GATB: variants seen among roughly 807,000 people sequenced by gnomAD.
GATB encodes glutamyl-tRNA amidotransferase subunit B, also known as glutamyl-tRNA(Gln) amidotransferase subunit B, mitochondrial.
A neutral mutation model predicts 62.3 loss-of-function variants in GATB; 39 were observed. The observed-to-expected ratio is 0.63, with a 90% CI of 0.48 to 0.82. The LOEUF (loss-of-function observed/expected upper bound fraction) is 0.82, where lower values mean the gene tolerates loss of function less well. Among genes scored for constraint, GATB ranks in the 40% least tolerant of loss-of-function variants. The pLI is 0.00. For synonymous variants in GATB, 276 were observed against 258.9 expected (o/e 1.07, Z -0.63); for missense variants, 670 against 684.0 (o/e 0.98, Z 0.23).
chr4:151,689,066 G>A (rs1248228955), intron 9 of GATB, among the ~76,000 whole-genome samples: 1 of 152,264 alleles, frequency 6.6e-6, no homozygotes, highest in African/African-American at 2.4e-5. Flanking sequence ...TGCTTTCTCC[G>A]TGTCTGCTGT....
At position 151,717,034 on chromosome 4, in the gene GATB, A is replaced by C; in HGVS notation, c.482T>G (p.Val161Gly). ...QITQQRLPIA[V>G]NGSLIYGVCA... ...GACGCCATATATCAAGCTCCCATTCACAGCAATTGGGAGCCTCTGCTGGGT... is the reference window on the plus strand; with the variant it reads ...GACGCCATATATCAAGCTCCCATTCCCAGCAATTGGGAGCCTCTGCTGGGT... The change falls in exon 4 of 13, where the codon GTG becomes GGG. Residue 161 changes from valine to glycine, a missense_variant. Coordinates refer to ENST00000263985, the MANE Select transcript of GATB (RefSeq NM_004564.3). 1.2e-6 allele frequency: 2 copies of C among 1,614,090 alleles called. No homozygotes were observed. Among genetic ancestry groups the C allele is most frequent in the Non-Finnish European group, 1.7e-6 (2 of 1,180,036 alleles).
intron 11 of GATB, chr4:151,673,738 T>G (rs1431799594): frequency 1.3e-5 from 2 of 152,332 alleles, no homozygotes; most frequent in East Asian, 3.9e-4. Context: ...TCATTTCTCT[T>G]GTCTTCTAGC....
At chr4:151,746,108 G>A (rs571520049) in intron 2 of GATB, among the ~76,000 whole-genome samples, 1 of 152,326 alleles carries the variant, frequency 6.6e-6, no homozygotes, top group South Asian at 2.1e-4. Context: ...AGCCAGCTAC[G>A]GCAGAGGCAA....
chr4:151,747,985 T>C (rs1178167465), intron 2 of GATB, among the ~76,000 whole-genome samples: 1 of 152,154 alleles, frequency 6.6e-6, no homozygotes, highest in Non-Finnish European at 1.5e-5. Context: ...CAAGGAGAAC[T>C]ACAAATCACT....
intron 5 of GATB, among the ~76,000 whole-genome samples, chr4:151,712,881 C>T (rs993387356): frequency 2.6e-5 from 4 of 152,138 alleles, no homozygotes; most frequent in African/African-American, 7.2e-5. Context: ...GTCCCCAACC[C>T]GGGGGCCATG....
At chr4:151,678,541 C>T (rs1738061067) in intron 11 of GATB, among the ~76,000 whole-genome samples, 1 of 152,130 alleles carries the variant, frequency 6.6e-6, no homozygotes, top group Non-Finnish European at 1.5e-5. Context: ...CATTTGTATT[C>T]CCCTGACATC....
rs773220169 is a variant in GATB at position 151,688,671 on chromosome 4, AAAAGTGTTGAGG to A, written c.1278_1289del (p.Asn428_Leu431del). 2 of 1,612,318 alleles carry A rather than the reference AAAAGTGTTGAGG, an allele frequency of 1.2e-6. No individual in the cohort carries two copies. The highest frequency in any genetic ancestry group is 1.7e-6 in the Non-Finnish European group (2 of 1,179,620). ...GGTTCTGTTGCTTTAAATAGCCCAG[AAAAGTGTTGAGG>A]ACCCAACTAGTCACCTTTTTTGGCT... On this transcript the variant is annotated inframe_deletion, in exon 10 of 13. Coordinates refer to ENST00000263985, the MANE Select transcript of GATB (RefSeq NM_004564.3).
rs369407810 is a variant in GATB, at chr4:151,701,292, T to G, written c.1197+37A>C. ...CTCTGAAGGGCACTGCCCCATCTGC[T>G]GAGCCGGGATCCTCTTGGCATCCGA... On this transcript the variant is annotated intron_variant, in intron 9 of 12. Coordinates refer to ENST00000263985, the MANE Select transcript of GATB (RefSeq NM_004564.3). The G allele has an allele frequency of 4.7e-5, 69 of 1,472,916 alleles. 1 individual carries two copies. The Admixed American group carries it at 7.1e-4, about 15-fold the overall frequency. The allele number at this position is 1,472,916 out of a possible 1,614,324, so 91.2% of individuals were successfully genotyped here.
chr4:151,744,169 G>A (rs531286163), intron 2 of GATB, among the ~76,000 whole-genome samples: 2 of 152,332 alleles, frequency 1.3e-5, no homozygotes, highest in East Asian at 3.9e-4. Flanking sequence ...GCCAGGACAA[G>A]AGACCCATAA....
In GATB at chr4:151,716,086, C is replaced by G. The variant is rs777812349; in HGVS notation, c.686G>C (p.Gly229Ala). 1 of 1,613,924 alleles carries G rather than the reference C, an allele frequency of 6.2e-7. No individual in the cohort carries two copies. The highest frequency in any genetic ancestry group is 1.1e-5 in the South Asian group (1 of 91,012). The change falls in exon 5 of 13, where the codon GGA becomes GCA. Residue 229 changes from glycine to alanine, a missense_variant. Physicochemically the swap from Gly to Ala is moderately conservative, Grantham distance 60. Transcript: ENST00000263985. ...EVVLEPDMSC[G>A]EEAATAVREL... ...CCTGACAGCTGTTGCCGCCTCTTCTCCACAGGACATGTCGGGCTCCAGGAC... is the reference window on the plus strand; with the variant it reads ...CCTGACAGCTGTTGCCGCCTCTTCTGCACAGGACATGTCGGGCTCCAGGAC...
intron 2 of GATB, 125 bp from the exon 3 acceptor site, chr4:151,719,663 G>A: frequency 1.8e-6 from 1 of 564,792 alleles, no homozygotes; most frequent in South Asian, 2.5e-5. Context: ...TGGTTCTCTG[G>A]GTGGGCAGCT....
rs1459854171 is a variant in GATB at position 151,730,132 on chromosome 4, T to C, written c.328-10594A>G. Among the ~76,000 whole-genome samples, 2 of 152,084 alleles carry C rather than the reference T, an allele frequency of 1.3e-5. No homozygotes were observed. Among genetic ancestry groups the C allele is most frequent in the Non-Finnish European group, 2.9e-5 (2 of 68,014 alleles). ...CCCTTTGGTTTGTGTGGGAGCTGGGTGAGGCCTGTGACTGCCAGCTTTCCC... is the reference window on the plus strand; with the variant it reads ...CCCTTTGGTTTGTGTGGGAGCTGGGCGAGGCCTGTGACTGCCAGCTTTCCC... On this transcript the variant is annotated intron_variant, in intron 2 of 12. Transcript: ENST00000263985. This position sits in a 1 kb window ranked among gnomAD's most constrained non-coding sequence, Gnocchi z 4.1.
At chr4:151,676,601 A>G (rs1475136867) in intron 11 of GATB, 1 of 152,242 alleles carries the variant, frequency 6.6e-6, no homozygotes, top group East Asian at 1.9e-4. Context: ...TGATGTGTCC[A>G]AGCTGACCCT....
chr4:151,728,607 T>C (rs1739184025), intron 2 of GATB, among the ~76,000 whole-genome samples: 2 of 152,226 alleles, frequency 1.3e-5, no homozygotes, highest in South Asian at 4.1e-4. Flanking sequence ...TGTCAAGTCT[T>C]TTCTGATGTG....
intron 5 of GATB, among the ~76,000 whole-genome samples, chr4:151,713,960 A>C (rs1738866880): frequency 6.6e-6 from 1 of 152,242 alleles, no homozygotes; most frequent in South Asian, 2.1e-4. Flanking sequence ...AATGTCATAA[A>C]ATGTAAATGA....
chr4:151,702,129 T>C (rs1478457094), intron 8 of GATB, among the ~76,000 whole-genome samples: 1 of 152,172 alleles, frequency 6.6e-6, no homozygotes, highest in Non-Finnish European at 1.5e-5. Flanking sequence ...GAAACATCCA[T>C]ATGTATGCAG....
intron 5 of GATB, among the ~76,000 whole-genome samples, chr4:151,715,697 G>C (rs1469238391): frequency 6.6e-6 from 1 of 152,178 alleles, no homozygotes; most frequent in East Asian, 1.9e-4. Context: ...AACTGTTCTT[G>C]ATAAACAGTG....
At chr4:151,734,086 C>A (rs752095331) in intron 2 of GATB, among the ~76,000 whole-genome samples, 13 of 152,110 alleles carry the variant, frequency 8.5e-5, no homozygotes, top group Admixed American at 3.9e-4. Context: ...TAGTACTGGA[C>A]GCCCTAGCCA....
At chr4:151,682,505 C>T (rs1407013693) in intron 10 of GATB, among the ~76,000 whole-genome samples, 1 of 152,164 alleles carries the variant, frequency 6.6e-6, no homozygotes, top group African/African-American at 2.4e-5. Context: ...ACTGACACCG[C>T]GGCCTTCAGC....
Sources: allele counts gnomAD v4.1 joint callset (sites outside exome capture counted in the v4.1 genomes callset), GRCh38; gene constraint gnomAD v4.1.1; non-coding constraint Gnocchi (gnomAD v3.1); transcripts MANE v1.5; gene names NCBI Gene and HGNC (gene_info 2026-07-23, HGNC 2026-07-21).